GOSR2: variants seen among roughly 807,000 people sequenced by gnomAD.
The protein encoded by GOSR2 is 27 kDa Golgi SNARE protein.
Under a neutral mutation model 27.9 loss-of-function variants are expected in GOSR2, and 20 were observed. The ratio of observed to expected loss-of-function variants is 0.72; its 90% confidence interval spans 0.50 to 1.04. GOSR2 has a LOEUF of 1.04. GOSR2 is among the 50% of genes least tolerant of loss of function. The pLI is 0.00. For missense variants in GOSR2, 261 were observed against 270.5 expected, an observed-to-expected ratio of 0.97 and a Z score of 0.25; for synonymous variants, 91 against 98.8, an observed-to-expected ratio of 0.92 and a Z score of 0.47.
intron 6 of GOSR2, among the ~76,000 whole-genome samples, chr17:46,973,367 T>G (rs2091412694): frequency 6.6e-6 from 1 of 152,120 alleles, no homozygotes; most frequent in Non-Finnish European, 1.5e-5. Flanking sequence ...CCCACTGTGT[T>G]GCCCAGGCTG....
Position 46,940,020 on chromosome 17 carries a change from C to T in GOSR2, c.*1260C>T. ...GATCTGGAAACCGGCTCAGTATTAA[C>T]CCTACCTTTGGTTGTCCTGCCCTAC... is the stretch of plus-strand genomic sequence containing the variant. On this transcript the variant is annotated 3_prime_UTR_variant, in exon 6 of 6. Transcript: ENST00000640051. The T allele has an allele frequency of 4.8e-6, 5 of 1,038,464 alleles. 1 individual carries two copies. In the South Asian group the frequency reaches 1.9e-4, roughly 39 times the overall value. The allele number at this position is 1,038,464 out of a possible 1,614,324, so 64.3% of individuals were successfully genotyped here.
chr17:46,970,093 A>G (rs904035083), downstream of GOSR2, among the ~76,000 whole-genome samples: 4 of 152,188 alleles, frequency 2.6e-5, no homozygotes, highest in African/African-American at 7.2e-5. Context: ...GTGCTGGAGG[A>G]TTAAGTAATG....
intron 6 of GOSR2, chr17:46,964,590 G>A (rs2091233180): frequency 6.6e-6 from 1 of 152,320 alleles, no homozygotes; most frequent in African/African-American, 2.4e-5. Flanking sequence ...ACATGGGAAA[G>A]ATCTCAGAGA....
At chr17:46,923,563 C>T (rs1598906545) in intron 1 of GOSR2, 1 of 1,310,764 alleles carries the variant, frequency 7.6e-7, no homozygotes, top group East Asian at 2.9e-5. Flanking sequence ...TGGTAGACCT[C>T]GAGAGGAGAC....
chr17:46,960,379 C>T (rs967038008), intron 6 of GOSR2, among the ~76,000 whole-genome samples: 1 of 152,166 alleles, frequency 6.6e-6, no homozygotes, highest in African/African-American at 2.4e-5. Flanking sequence ...CATAGAGCAC[C>T]TAGAATGCTC....
downstream of GOSR2, among the ~76,000 whole-genome samples, chr17:46,970,440 T>C (rs368559004): frequency 9.6e-5 from 14 of 145,486 alleles, no homozygotes; most frequent in Middle Eastern, 3.6e-3. Flanking sequence ...ACTTGTGAGC[T>C]GAAGTAGGAG....
chr17:46,932,853 A>G (rs1393133532), intron 4 of GOSR2: 1 of 152,728 alleles, frequency 6.5e-6, no homozygotes, highest in Non-Finnish European at 1.5e-5. Flanking sequence ...TATTCCACTA[A>G]ATGAAGTGTG....
chr17:46,960,844 A>C (rs1362863964), intron 6 of GOSR2, among the ~76,000 whole-genome samples: 1 of 152,236 alleles, frequency 6.6e-6, no homozygotes, highest in East Asian at 1.9e-4. Context: ...TGTCTGCATT[A>C]AGGGAAGAAG....
chr17:46,946,033 A>C (rs1279564832), downstream of GOSR2, among the ~76,000 whole-genome samples: 1 of 152,084 alleles, frequency 6.6e-6, no homozygotes, highest in Non-Finnish European at 1.5e-5. Context: ...AGACCCTTGG[A>C]AGGCGGGGCC....
chr17:46,940,855 G>T lies in GOSR2; in HGVS notation c.*2095G>T. ...GCAGCCAGTGTGTCTGGACACCCAG[G>T]GGCATTGAGACTGCATGTTGTCACA... On this transcript the variant is annotated 3_prime_UTR_variant, in exon 6 of 6. Coordinates refer to ENST00000640051, the MANE Select transcript of GOSR2 (RefSeq NM_004287.5). 2 of 1,436,556 alleles carry T rather than the reference G, an allele frequency of 1.4e-6. No individual in the cohort carries two copies. Among genetic ancestry groups the T allele is most frequent in the Non-Finnish European group, 9.1e-7 (1 of 1,097,444 alleles). 89.0% of individuals were successfully genotyped at this position (1,436,556 alleles called of 1,614,324 possible). A position where few individuals can be genotyped will look rare whatever the true frequency, so the allele number is the denominator to read the frequency against.
intron 6 of GOSR2, among the ~76,000 whole-genome samples, chr17:46,957,430 T>C (rs2090791228): frequency 6.6e-6 from 1 of 152,046 alleles, no homozygotes; most frequent in South Asian, 2.1e-4. Flanking sequence ...CTGGCCAACA[T>C]GGTGAAACCC....
At position 46,941,212 on chromosome 17, in the gene GOSR2, G is replaced by A; in HGVS notation, c.*2452G>A. The A allele has an allele frequency of 1.0e-6, 1 of 997,846 alleles. No individual in the cohort carries two copies. 61.8% of individuals were successfully genotyped at this position (997,846 alleles called of 1,614,324 possible). On this transcript the variant is annotated 3_prime_UTR_variant, in exon 6 of 6. Coordinates refer to ENST00000640051, the MANE Select transcript of GOSR2 (RefSeq NM_004287.5). ...CCAAACTCCAAGACCAAGTAAGTTA[G>A]AGGAGTCTTGATTTTTTAGACTTCA...
intron 6 of GOSR2, among the ~76,000 whole-genome samples, chr17:46,961,708 G>A (rs577346188): frequency 3.3e-5 from 5 of 152,140 alleles, no homozygotes; most frequent in South Asian, 4.2e-4. Context: ...AAAATATAAC[G>A]ACATAGAAAA....
Position 46,939,552 on chromosome 17 carries a change from C to T in GOSR2, c.*792C>T. ...GCGCCCAGGCTTTGTGGGCCTTTGC[C>T]CCTTAGAAAGTAGCTGTAGGCAAAG... is the stretch of plus-strand genomic sequence containing the variant. On this transcript the variant is annotated 3_prime_UTR_variant, in exon 6 of 6. Transcript: ENST00000640051. The T allele has an allele frequency of 1.0e-6, 1 of 985,442 alleles. No homozygotes were observed. Among genetic ancestry groups the T allele is most frequent in the Non-Finnish European group, 1.2e-6 (1 of 829,924 alleles). The allele number at this position is 985,442 out of a possible 1,614,324, so 61.0% of individuals were successfully genotyped here. A position where few individuals can be genotyped will look rare whatever the true frequency, so the allele number is the denominator to read the frequency against.
chr17:46,949,586 C>T (rs1599148483), intron 6 of GOSR2, among the ~76,000 whole-genome samples: 1 of 152,248 alleles, frequency 6.6e-6, no homozygotes, highest in South Asian at 2.1e-4. Flanking sequence ...TGCCACACTC[C>T]CCTTGAATGA....
rs769918763 is a variant in GOSR2 at position 46,923,164 on chromosome 17, C to G, written c.-29C>G. 1.4e-6 allele frequency: 2 copies of G among 1,460,116 alleles called. No homozygotes were observed. The highest frequency in any genetic ancestry group is 1.9e-6 in the Non-Finnish European group (2 of 1,063,904). 90.4% of individuals were successfully genotyped at this position (1,460,116 alleles called of 1,614,324 possible). On this transcript the variant is annotated 5_prime_UTR_variant, in exon 1 of 6. Coordinates refer to ENST00000640051, the MANE Select transcript of GOSR2 (RefSeq NM_004287.5). ...AGGACGTGTTCCGAGGAAGCCAGAGCCGGAGCCGTGGCCTGCGGGGCCGGC... is the reference window on the plus strand; with the variant it reads ...AGGACGTGTTCCGAGGAAGCCAGAGGCGGAGCCGTGGCCTGCGGGGCCGGC...
intron 6 of GOSR2, among the ~76,000 whole-genome samples, chr17:46,953,616 TCG>T (rs1270422132): frequency 6.6e-6 from 1 of 152,202 alleles, no homozygotes; most frequent in Non-Finnish European, 1.5e-5. Flanking sequence ...CCCTGAGGAA[TCG>T]CCACACTGAC....
At chr17:46,933,324 G>A (rs1187319156) in intron 4 of GOSR2, 1 of 152,198 alleles carries the variant, frequency 6.6e-6, no homozygotes, top group Non-Finnish European at 1.5e-5. Flanking sequence ...GAGAGATAAT[G>A]GCCCATCAGC....
At chr17:46,963,593 A>G (rs892433563) in intron 6 of GOSR2, 2 of 151,814 alleles carry the variant, frequency 1.3e-5, no homozygotes, top group Non-Finnish European at 2.9e-5. Context: ...ATTTTATTAT[A>G]GTTTGGACAC....
Sources: allele counts gnomAD v4.1 joint callset (sites outside exome capture counted in the v4.1 genomes callset), GRCh38; gene constraint gnomAD v4.1.1; transcripts MANE v1.5; gene names NCBI Gene and HGNC (gene_info 2026-07-23, HGNC 2026-07-21).